Variants in EPS15 observed in about 807,000 individuals in gnomAD.
EPS15 encodes epidermal growth factor receptor pathway substrate 15, also known as epidermal growth factor receptor substrate 15.
EPS15 carries 72 observed loss-of-function variants against 113.8 expected under a neutral mutation model. That is an observed-to-expected ratio of 0.63 (90% CI 0.52 to 0.77). The LOEUF is 0.77. Ranked by LOEUF, EPS15 falls within the 30% of genes least tolerant of loss-of-function variation. EPS15 has a pLI of 0.00. For missense variants in EPS15, 1,048 were observed against 1,045.8 expected (o/e 1.00, Z -0.03); for synonymous variants, 344 against 363.4 (o/e 0.95, Z 0.61).
chr1:51,489,151 A>AG (rs1644181864), intron 1 of EPS15, among the ~76,000 whole-genome samples: 1 of 151,086 alleles, frequency 6.6e-6, no homozygotes, highest in Non-Finnish European at 1.5e-5. Flanking sequence ...AAAAAAAAAA[A>AG]ACAAAACAAA....
At position 51,478,594 on chromosome 1, in the gene EPS15, C is replaced by T. The variant is rs1313904378; in HGVS notation, c.75+2679G>A. ...GGCATGTTTTTGCAGTGGCTGGTAC[C>T]GGTTGTTCCTTTCCATGTTTAGTGC... is the stretch of plus-strand genomic sequence containing the variant. On this transcript the variant is annotated intron_variant, in intron 2 of 24. Coordinates refer to ENST00000371733, the MANE Select transcript of EPS15 (RefSeq NM_001981.3). 4.7e-4 allele frequency among the ~76,000 whole-genome samples: 71 copies of T among 150,508 alleles called. No homozygotes were observed. The East Asian group carries it at 5.6e-3, about 12-fold the overall frequency.
intron 12 of EPS15, among the ~76,000 whole-genome samples, chr1:51,428,826 CAAAAAAA>C (rs902706524): frequency 3.7e-5 from 2 of 53,846 alleles, no homozygotes; most frequent in Admixed American, 2.2e-4. Context: ...GACTCCATCT[CAAAAAAA>C]AAAAAAAAAA....
At chr1:51,386,809 T>C (rs1197135665) in intron 21 of EPS15, among the ~76,000 whole-genome samples, 4 of 152,100 alleles carry the variant, frequency 2.6e-5, no homozygotes, top group Non-Finnish European at 5.9e-5. Flanking sequence ...CCAAGAAATA[T>C]GGGACTATGT....
intron 20 of EPS15, among the ~76,000 whole-genome samples, chr1:51,395,345 T>C (rs894695745): frequency 6.6e-6 from 1 of 152,220 alleles, no homozygotes; most frequent in Non-Finnish European, 1.5e-5. Flanking sequence ...TTTCCATTAA[T>C]GTCCTTTTTC....
chr1:51,489,303 A>ATATATATATGTATG (rs1360006242), intron 1 of EPS15, among the ~76,000 whole-genome samples: 1 of 140,038 alleles, frequency 7.1e-6, no homozygotes, highest in African/African-American at 2.7e-5. Flanking sequence ...ATATATATAT[A>ATATATATATGTATG]TATGTATGTA....
At chr1:51,361,908 C>T (rs1411104345) in intron 23 of EPS15, among the ~76,000 whole-genome samples, 4 of 152,152 alleles carry the variant, frequency 2.6e-5, no homozygotes, top group East Asian at 1.9e-4. Context: ...TTGTTATTTA[C>T]TGTATTTCAA....
At chr1:51,498,848 T>C (rs952252324) in intron 1 of EPS15, among the ~76,000 whole-genome samples, 6 of 152,224 alleles carry the variant, frequency 3.9e-5, no homozygotes, top group Non-Finnish European at 7.3e-5. Flanking sequence ...AAAATATTCA[T>C]GTTGAAACTT....
rs555105514 is a variant in EPS15, at chr1:51,436,920, A to G, written c.1040+3427T>C. 1.1e-4 allele frequency among the ~76,000 whole-genome samples: 17 copies of G among 152,324 alleles called. No individual in the cohort carries two copies. The South Asian group carries it at 2.3e-3, about 20-fold the overall frequency. On this transcript the variant is annotated intron_variant, in intron 12 of 24. Coordinates refer to ENST00000371733, the MANE Select transcript of EPS15 (RefSeq NM_001981.3). Reference sequence around the variant, plus strand: ...GTTCAGATGAAAACACTAGTAGGCAATGAAAAATACAGGTCTTGAGCTCAA... The same window carrying G: ...GTTCAGATGAAAACACTAGTAGGCAGTGAAAAATACAGGTCTTGAGCTCAA...
At chr1:51,383,446 A>T (rs1472960658) in intron 21 of EPS15, among the ~76,000 whole-genome samples, 10 of 152,190 alleles carry the variant, frequency 6.6e-5, no homozygotes, top group Non-Finnish European at 1.3e-4. Flanking sequence ...GGGTGGGATG[A>T]GGGGAATGAT....
chr1:51,357,412 ATATATATATATATATT>A (rs1486858413), intron 24 of EPS15, among the ~76,000 whole-genome samples: 11 of 59,290 alleles, frequency 1.9e-4, no homozygotes, highest in African/African-American at 8.3e-4. Flanking sequence ...ATATATATAT[ATATATATATATATATT>A]TTTTTTTTTT....
intron 11 of EPS15, among the ~76,000 whole-genome samples, chr1:51,440,767 C>T (rs2148474739): frequency 6.6e-6 from 1 of 152,112 alleles, no homozygotes; most frequent in Non-Finnish European, 1.5e-5. Context: ...AAACTAATTC[C>T]TCCACTGAAG....
intron 8 of EPS15, among the ~76,000 whole-genome samples, chr1:51,453,869 G>A (rs1653766324): frequency 6.6e-6 from 1 of 151,922 alleles, no homozygotes; most frequent in Non-Finnish European, 1.5e-5. Flanking sequence ...CAAGACTTTG[G>A]TGAAACCCTG....
chr1:51,484,730 G>A (rs1327881695), intron 1 of EPS15, among the ~76,000 whole-genome samples: 1 of 152,180 alleles, frequency 6.6e-6, no homozygotes, highest in Non-Finnish European at 1.5e-5. Flanking sequence ...AACTCTGTAT[G>A]GTCTTGCAAA....
intron 13 of EPS15, among the ~76,000 whole-genome samples, chr1:51,415,434 G>A (rs1316312098): frequency 1.3e-5 from 2 of 152,052 alleles, no homozygotes; most frequent in Non-Finnish European, 2.9e-5. Context: ...AAGCTGGAAC[G>A]ATGTCCATAT....
chr1:51,467,633 G>T (rs767536260), intron 5 of EPS15, among the ~76,000 whole-genome samples: 55 of 152,190 alleles, frequency 3.6e-4, no homozygotes, highest in Non-Finnish European at 7.1e-4. Flanking sequence ...GGCCTGTTAG[G>T]AACTGAGCTG....
intron 13 of EPS15, among the ~76,000 whole-genome samples, chr1:51,419,805 T>C (rs1466474917): frequency 2.0e-5 from 3 of 152,074 alleles, no homozygotes; most frequent in Non-Finnish European, 4.4e-5. Flanking sequence ...TACCTCAAAA[T>C]AGGTAATGAA....
chr1:51,496,423 C>A (rs1221328994), intron 1 of EPS15, among the ~76,000 whole-genome samples: 2 of 152,154 alleles, frequency 1.3e-5, no homozygotes, highest in Admixed American at 6.5e-5. Flanking sequence ...TTCTAAGAAA[C>A]CTTTAGTTGT....
At chr1:51,359,368 T>C (rs1335398104) in intron 24 of EPS15, among the ~76,000 whole-genome samples, 1 of 145,834 alleles carries the variant, frequency 6.9e-6, no homozygotes, top group Admixed American at 7.0e-5. Flanking sequence ...TGCTTGAACC[T>C]GGGAGGTGGA....
chr1:51,437,257 T>A (rs544245743), intron 12 of EPS15, among the ~76,000 whole-genome samples: 1 of 152,236 alleles, frequency 6.6e-6, no homozygotes, highest in South Asian at 2.1e-4. Flanking sequence ...AGTTTATATA[T>A]AGCTTTCAAT....
Sources: gnomAD v4.1 joint callset for allele counts (sites outside exome capture counted in the v4.1 genomes callset) on GRCh38, gnomAD v4.1.1 for gene constraint, MANE v1.5 for transcripts, NCBI Gene and HGNC (gene_info 2026-07-23, HGNC 2026-07-21) for gene names.